RRM2: variants seen among roughly 807,000 people sequenced by gnomAD.
RRM2 encodes ribonucleoside-diphosphate reductase subunit M2.
A neutral mutation model predicts 45.9 loss-of-function variants in RRM2; 6 were observed. The observed-to-expected ratio is 0.13, with a 90% CI of 0.07 to 0.26. The LOEUF is 0.26. Among genes scored for constraint, RRM2 ranks in the 10% least tolerant of loss-of-function variants. RRM2 has a pLI of 1.00. For missense variants in RRM2, 343 were observed against 489.5 expected (o/e 0.70, Z 2.82); for synonymous variants, 177 against 173.0 (o/e 1.02, Z -0.18).
intron 2 of RRM2, 123 bp downstream of exon 2, chr2:10,123,180 T>G: frequency 7.7e-7 from 1 of 1,300,454 alleles, no homozygotes; most frequent in Non-Finnish European, 1.0e-6. Flanking sequence ...AGGCGGCCCC[T>G]CCCCAGGGCT....
downstream of RRM2, among the ~76,000 whole-genome samples, chr2:10,135,647 TAA>T (rs974693788): frequency 3.9e-5 from 6 of 152,130 alleles, no homozygotes; most frequent in African/African-American, 9.7e-5. Context: ...TAAATAAACT[TAA>T]GAGTTAAAAC....
At chr2:10,164,137 T>C (rs1663631353) in intron 3 of RRM2, among the ~76,000 whole-genome samples, 1 of 152,120 alleles carries the variant, frequency 6.6e-6, no homozygotes, top group Non-Finnish European at 1.5e-5. Context: ...AAATAGTGTA[T>C]GTATTTTTCA....
At chr2:10,138,053 T>G (rs1174117936), upstream of RRM2, among the ~76,000 whole-genome samples, 3 of 152,048 alleles carry the variant, frequency 2.0e-5, no homozygotes, top group African/African-American at 7.2e-5. Flanking sequence ...CAGGCTGGAG[T>G]GCAGTGACGT....
chr2:10,159,471 G>C (rs912201872), intron 3 of RRM2, among the ~76,000 whole-genome samples: 1 of 152,158 alleles, frequency 6.6e-6, no homozygotes, highest in African/African-American at 2.4e-5. Context: ...TCTCTCCTCC[G>C]ACTCAGTTCC....
upstream of RRM2, chr2:10,122,680 G>A (rs1469323746): frequency 3.9e-6 from 6 of 1,550,422 alleles, no homozygotes; most frequent in Non-Finnish European, 5.2e-6. Flanking sequence ...AAGCCAATGG[G>A]AAGGGCCGGG....
Position 10,172,745 on chromosome 2 carries a change from A to G in RRM2, n.482+30370A>G, listed in dbSNP as rs1323341167. The stretch of plus-strand genomic sequence containing the variant: ...GTTGTTGCTGCACCCAGGACTGCCC[A>G]CATCAGTTGCAAAATGCAATGTGGG... On this transcript the variant is annotated intron_variant and non_coding_transcript_variant, in intron 3 of 3. Transcript: ENST00000381786. This position sits in a 1 kb window ranked among gnomAD's most constrained non-coding sequence, Gnocchi z 4.9. Among the ~76,000 whole-genome samples, 1 of 152,206 alleles carries G rather than the reference A, an allele frequency of 6.6e-6. No individual in the cohort carries two copies. Among genetic ancestry groups the G allele is most frequent in the Non-Finnish European group, 1.5e-5 (1 of 68,042 alleles).
upstream of RRM2, among the ~76,000 whole-genome samples, chr2:10,138,167 AT>A (rs35428652): frequency 0.58 from 78,333 of 135,980 alleles, 22,501 homozygotes; most frequent in Non-Finnish European, 0.64. Context: ...TGCCCGGCTA[AT>A]TTTTTTTTTT....
exon 2 of RRM2, chr2:10,141,936 A>G (rs370080642): frequency 3.4e-5 from 54 of 1,577,864 alleles, no homozygotes; most frequent in Non-Finnish European, 4.6e-5. Context: ...ATGGAGACCA[A>G]TCACCCACCC....
At position 10,129,108 on chromosome 2, in the gene RRM2, T is replaced by C. The variant is rs369824768; in HGVS notation, c.971T>C (p.Ile324Thr). ...GMNCTLMKQY[I>T]EFVADRLMLE... ...AATTGCACTCTAATGAAGCAATACA[T>C]TGAGTTTGTGGCAGACAGACTTATG... Residue 324 changes from isoleucine to threonine, a missense_variant, in exon 9 of 10, where the codon ATT becomes ACT. Ile to Thr is a moderately conservative substitution (Grantham distance 89, BLOSUM62 -1). This residue lies in a region of RRM2 where 212 missense variants were observed against 368.1 expected (regional missense o/e 0.58). Coordinates refer to ENST00000304567, the MANE Select transcript of RRM2 (RefSeq NM_001034.4). This position sits in a 1 kb window ranked among gnomAD's most constrained non-coding sequence, Gnocchi z 4.8. The C allele has an allele frequency of 6.8e-6, 11 of 1,614,080 alleles. No homozygotes were observed. Among genetic ancestry groups the C allele is most frequent in the African/African-American group, 1.3e-5 (1 of 74,936 alleles).
intron 3 of RRM2, among the ~76,000 whole-genome samples, chr2:10,187,801 G>C (rs1234047050): frequency 6.6e-6 from 1 of 152,230 alleles, no homozygotes; most frequent in Non-Finnish European, 1.5e-5. Flanking sequence ...ATTCGGTTGG[G>C]AACAGAGGAA....
chr2:10,182,511 T>A (rs1664082444), intron 3 of RRM2, among the ~76,000 whole-genome samples: 1 of 152,202 alleles, frequency 6.6e-6, no homozygotes, highest in Admixed American at 6.5e-5. Flanking sequence ...TACACAGTTT[T>A]AATTGAAGTT....
intron 3 of RRM2, among the ~76,000 whole-genome samples, chr2:10,151,748 T>C (rs1034781008): frequency 2.0e-5 from 3 of 152,222 alleles, no homozygotes; most frequent in African/African-American, 4.8e-5. Flanking sequence ...TCCCAGTTGC[T>C]TCATACCCTT....
intron 3 of RRM2, among the ~76,000 whole-genome samples, chr2:10,186,789 G>A (rs1456860168): frequency 6.6e-6 from 1 of 152,174 alleles, no homozygotes; most frequent in African/African-American, 2.4e-5. Flanking sequence ...AGCAGGGTGG[G>A]GCCAAGGGAT....
intron 3 of RRM2, among the ~76,000 whole-genome samples, chr2:10,194,800 C>T (rs1228396449): frequency 2.0e-5 from 3 of 152,254 alleles, no homozygotes; most frequent in Non-Finnish European, 2.9e-5. Flanking sequence ...CCCTCCCCTG[C>T]GTCCTCATCT....
rs1427041534 is a variant in RRM2, at chr2:10,127,080, T to C, written c.665-7T>C. On this transcript the variant is annotated splice_polypyrimidine_tract_variant and splice_region_variant and intron_variant, in intron 6 of 9. Transcript: ENST00000304567. This position sits in a 1 kb window ranked among gnomAD's most constrained non-coding sequence, Gnocchi z 4.1. ...CTAGAATCATGTTGGTGTTAACTCC[T>C]AAATAGGTGAACGTGTTGTAGCCTT... is the stretch of plus-strand genomic sequence containing the variant. 1 of 1,614,164 alleles carries C rather than the reference T, an allele frequency of 6.2e-7. No homozygotes were observed. The highest frequency in any genetic ancestry group is 1.1e-5 in the South Asian group (1 of 91,086).
chr2:10,142,030 A>C, intron 2 of RRM2: 1 of 1,586,182 alleles, frequency 6.3e-7, no homozygotes, highest in Non-Finnish European at 8.6e-7. Flanking sequence ...TTGCTCTTTC[A>C]TGTGGGGAGC....
chr2:10,153,342 G>T (rs541660988), intron 3 of RRM2, among the ~76,000 whole-genome samples: 2 of 152,026 alleles, frequency 1.3e-5, no homozygotes, highest in Non-Finnish European at 2.9e-5. Context: ...TCCAAAAAAA[G>T]ATCTTTTTTG....
At chr2:10,141,640 G>A (rs1663080535) in exon 1 of RRM2, 5 of 623,808 alleles carry the variant, frequency 8.0e-6, no homozygotes, top group Middle Eastern at 4.4e-4. Flanking sequence ...ACACGGAGGA[G>A]GGTATGATTA....
intron 2 of RRM2, chr2:10,142,091 G>A (rs913927577): frequency 2.5e-6 from 4 of 1,589,310 alleles, no homozygotes; most frequent in South Asian, 1.1e-5. Context: ...GGGGAGGAAA[G>A]CATGTTTCAG....
Sources: gnomAD v4.1 joint callset for allele counts (sites outside exome capture counted in the v4.1 genomes callset) on GRCh38, gnomAD v4.1.1 for gene constraint, gnomAD v4.1.1 regional missense constraint, Gnocchi (gnomAD v3.1) non-coding constraint, MANE v1.5 for transcripts, NCBI Gene and HGNC (gene_info 2026-07-23, HGNC 2026-07-21) for gene names.